The following UNC80 variants were observed in gnomAD, a reference collection of about 807,000 sequenced individuals.
The protein encoded by UNC80 is unc-80 subunit of NALCN channel complex, also known as protein unc-80 homolog.
A neutral mutation model predicts 384.6 loss-of-function variants in UNC80; 164 were observed. The ratio of observed to expected loss-of-function variants is 0.43; its 90% CI spans 0.38 to 0.49. UNC80 has a LOEUF of 0.49. Ranked by LOEUF, UNC80 falls within the 20% of genes least tolerant of loss-of-function variation. The probability of loss-of-function intolerance (pLI) is 0.00; values close to 1 mark genes in which losing one functional copy is unlikely to be tolerated. For missense variants in UNC80, 3,330 were observed against 4,143.0 expected, an observed-to-expected ratio of 0.80 and a Z score of 5.39; for synonymous variants, 1,486 against 1,527.8, an observed-to-expected ratio of 0.97 and a Z score of 0.64.
At position 209,921,583 on chromosome 2, in the gene UNC80, G is replaced by A; in HGVS notation, c.5427G>A (p.Lys1809=). The A allele has an allele frequency of 7.8e-7, 1 of 1,277,306 alleles. No homozygotes were observed. The allele number at this position is 1,277,306 out of a possible 1,614,324, so 79.1% of individuals were successfully genotyped here. A position where few individuals can be genotyped will look rare whatever the true frequency, so the allele number is the denominator to read the frequency against. Residue 1809 remains lysine (K), a synonymous_variant, in exon 34 of 65, where the codon AAG becomes AAA. Transcript: ENST00000673920. ...AGAACTTGCAGCAGGAGGAAGAAAA[G>A]AAACGACTTGGTAGAGAAGCCAGCC... ...ILKNLQQEEE[K]KRLGREASLI...
intron 47 of UNC80, among the ~76,000 whole-genome samples, chr2:209,951,805 TC>T (rs2124991372): frequency 6.6e-6 from 1 of 152,228 alleles, no homozygotes; most frequent in South Asian, 2.1e-4. Flanking sequence ...TATCCCATTT[TC>T]CCTCCCCTCT....
chr2:209,875,987 G>A (rs1484134746), intron 23 of UNC80, among the ~76,000 whole-genome samples: 3 of 152,066 alleles, frequency 2.0e-5, no homozygotes, highest in Non-Finnish European at 2.9e-5. Flanking sequence ...AGTAGGGCAC[G>A]TTGTACCCAA....
chr2:209,817,894 C>G lies in UNC80; in HGVS notation c.1635C>G (p.Thr545=), dbSNP rs1235239415. The G allele has an allele frequency of 5.8e-6, 9 of 1,551,598 alleles. No individual in the cohort carries two copies. In the East Asian group the frequency reaches 2.0e-4, roughly 34 times the overall value. The change falls in exon 11 of 65, where the codon ACC becomes ACG. Residue 545 remains threonine, a synonymous_variant. Transcript: ENST00000673920. ...CCAGGCATTCCCACTCCCATCACAC[C>G]CTGGTAAGCGACCTGCCGGACCCCT... ...LSARHSHSHH[T]LVSDLPDPSN...
rs1430141276 is a variant in UNC80, at chr2:209,934,114, C to G, written c.6178+109C>G. 8.2e-6 allele frequency: 9 copies of G among 1,091,102 alleles called. No individual in the cohort carries two copies. The South Asian group carries it at 1.1e-4, about 13-fold the overall frequency. The allele number at this position is 1,091,102 out of a possible 1,614,324, so 67.6% of individuals were successfully genotyped here. A position where few individuals can be genotyped will look rare whatever the true frequency, so the allele number is the denominator to read the frequency against. On this transcript the variant is annotated intron_variant, in intron 39 of 64. Coordinates refer to ENST00000673920, the MANE Select transcript of UNC80 (RefSeq NM_001371986.1). ...CATGAGAAAATTTTCAGAGTTCTAA[C>G]CCCCAGTATTGAGTGCTTCAAAGAA...
At chr2:209,921,047 C>T (rs1244880901) in intron 33 of UNC80, among the ~76,000 whole-genome samples, 2 of 152,028 alleles carry the variant, frequency 1.3e-5, no homozygotes, top group Non-Finnish European at 2.9e-5. Flanking sequence ...AGGCTGGTCT[C>T]GAACTCCTCA....
chr2:209,875,931 A>G (rs1223308159), intron 23 of UNC80, among the ~76,000 whole-genome samples: 1 of 152,066 alleles, frequency 6.6e-6, no homozygotes, highest in African/African-American at 2.4e-5. Context: ...TAGATGAATT[A>G]ATTTTATAGC....
intron 60 of UNC80, among the ~76,000 whole-genome samples, chr2:209,983,953 G>A (rs16844020): frequency 0.018 from 2,807 of 152,250 alleles, 98 homozygotes; most frequent in African/African-American, 0.064. Context: ...GACAGAGGCT[G>A]TTTTTATAGT....
chr2:209,933,706 CA>C, intron 38 of UNC80, 115 bp from the exon 39 acceptor site: 1 of 884,928 alleles, frequency 1.1e-6, no homozygotes, highest in East Asian at 2.8e-5. Flanking sequence ...AGCATCTGAA[CA>C]GAGAATATGA....
chr2:209,934,079 CTCTT>C lies in UNC80; in HGVS notation c.6178+77_6178+80del, dbSNP rs1021996211. 2.2e-6 allele frequency: 3 copies of C among 1,348,056 alleles called. No individual in the cohort carries two copies. The African/African-American group carries it at 4.4e-5, about 20-fold the overall frequency. 83.5% of individuals were successfully genotyped at this position (1,348,056 alleles called of 1,614,324 possible). ...AATAGCCCTTTGAAAGACTAAGAGT[CTCTT>C]TCATTCATGAGAAAATTTTCAGAGT... On this transcript the variant is annotated intron_variant, in intron 39 of 64. Coordinates refer to ENST00000673920, the MANE Select transcript of UNC80 (RefSeq NM_001371986.1).
chr2:209,826,936 A>T (rs77790349), intron 14 of UNC80, among the ~76,000 whole-genome samples: 1 of 152,152 alleles, frequency 6.6e-6, no homozygotes, highest in Non-Finnish European at 1.5e-5. Context: ...TTGTCATGAA[A>T]TGTTCACACA....
At chr2:209,800,560 G>C (rs1163897325) in intron 7 of UNC80, among the ~76,000 whole-genome samples, 1 of 148,972 alleles carries the variant, frequency 6.7e-6, no homozygotes, top group Non-Finnish European at 1.5e-5. Flanking sequence ...ATCTTCTTCA[G>C]TTCTTCCCTG....
intron 29 of UNC80, among the ~76,000 whole-genome samples, chr2:209,908,449 A>G (rs73003388): frequency 0.063 from 9,596 of 152,296 alleles, 449 homozygotes; most frequent in Middle Eastern, 0.15. Flanking sequence ...TTCTACATGT[A>G]TATATCACCT....
chr2:209,836,088 C>CATGAATGAATGAATGA (rs57160356), intron 18 of UNC80, among the ~76,000 whole-genome samples: 9 of 151,228 alleles, frequency 6.0e-5, no homozygotes, highest in African/African-American at 2.2e-4. Flanking sequence ...ATCTATATTT[C>CATGAATGAATGAATGA]ATGAATGAAT....
At chr2:209,838,812 T>G (rs918405827) in intron 18 of UNC80, among the ~76,000 whole-genome samples, 1 of 152,122 alleles carries the variant, frequency 6.6e-6, no homozygotes, top group South Asian at 2.1e-4. Context: ...ATACAAAAAA[T>G]TAGCCGGGTG....
chr2:209,888,373 TACTG>T, intron 26 of UNC80, 113 bp downstream of exon 26: 1 of 1,117,322 alleles, frequency 8.9e-7, no homozygotes, highest in Middle Eastern at 2.1e-4. Context: ...CTTCCTACAA[TACTG>T]ACTGTGTAGG....
chr2:209,931,094 C>A, intron 38 of UNC80, 40 bp downstream of exon 38: 1 of 1,423,384 alleles, frequency 7.0e-7, no homozygotes, highest in Non-Finnish European at 9.6e-7. Flanking sequence ...GAAGCAGCAC[C>A]ATGATGAAAA....
At chr2:209,930,606 A>T (rs2090779471) in intron 37 of UNC80, among the ~76,000 whole-genome samples, 1 of 152,178 alleles carries the variant, frequency 6.6e-6, no homozygotes, top group Non-Finnish European at 1.5e-5. Context: ...ATTTTTCAAC[A>T]TAGGTCCTCC....
intron 23 of UNC80, 64 bp from the exon 24 acceptor site, chr2:209,877,890 G>A (rs2084921940): frequency 7.0e-7 from 1 of 1,438,274 alleles, no homozygotes; most frequent in African/African-American, 1.5e-5. Context: ...CTGATGTAAT[G>A]TGAGAGCCTA....
In UNC80 at chr2:209,995,622, A is replaced by C. The variant is rs2125036432; in HGVS notation, c.*27A>C. ...TCTGTATCTTGTAAGCTCTGCAGGT[A>C]TAGAGAAGACATGAAAGTGATCTCT... On this transcript the variant is annotated 3_prime_UTR_variant, in exon 65 of 65. Coordinates refer to ENST00000673920, the MANE Select transcript of UNC80 (RefSeq NM_001371986.1). The C allele has an allele frequency of 6.5e-7, 1 of 1,547,212 alleles. No homozygotes were observed. The highest frequency in any genetic ancestry group is 1.2e-5 in the South Asian group (1 of 83,622).
Sources: gnomAD v4.1 joint callset for allele counts (sites outside exome capture counted in the v4.1 genomes callset) on GRCh38, gnomAD v4.1.1 for gene constraint, MANE v1.5 for transcripts, NCBI Gene and HGNC (gene_info 2026-07-23, HGNC 2026-07-21) for gene names.